The following MAST4 variants were observed in gnomAD, a reference collection of about 807,000 sequenced individuals.
MAST4 encodes microtubule associated serine/threonine kinase family member 4.
A neutral mutation model predicts 162.7 loss-of-function variants in MAST4; 89 were observed. That is an observed-to-expected ratio of 0.55 (90% CI 0.46 to 0.65). The LOEUF (loss-of-function observed/expected upper bound fraction) is 0.65. Ranked by LOEUF, MAST4 falls within the 30% of genes least tolerant of loss-of-function variation. The pLI, the probability that MAST4 is intolerant of heterozygous loss-of-function variation, is 0.00. For missense variants in MAST4, 3,153 were observed against 3,374.0 expected (o/e 0.93, Z 1.62); for synonymous variants, 1,479 against 1,361.1 (o/e 1.09, Z -1.91).
At chr5:67,153,623 A>T in intron 26 of MAST4, 43 bp downstream of exon 26, 1 of 1,529,960 alleles carries the variant, frequency 6.5e-7, no homozygotes, top group South Asian at 1.3e-5. Flanking sequence ...TGAGACAGGC[A>T]GCCCAAAGGG....
At chr5:66,623,692 C>T (rs1441382662) in intron 1 of MAST4, among the ~76,000 whole-genome samples, 1 of 152,292 alleles carries the variant, frequency 6.6e-6, no homozygotes, top group East Asian at 1.9e-4. Context: ...TTAGTTTTTC[C>T]TCTAAGATTT....
intron 1 of MAST4, among the ~76,000 whole-genome samples, chr5:66,694,713 C>T (rs1337120642): frequency 6.6e-6 from 1 of 152,140 alleles, no homozygotes; most frequent in Non-Finnish European, 1.5e-5. Flanking sequence ...TCTTGAACTC[C>T]TGATCTCAGG....
rs367706147 is a variant in MAST4 at position 67,163,192 on chromosome 5, A to G, written c.4013A>G (p.Asn1338Ser). The part of the protein sequence containing the change: ...QSSSPSSSAP[N>S]SPAGSGHIRP... ...AGCTCCCCTAGTTCTAGTGCCCCCA[A>G]TTCCCCAGCAGGGTCCGGGCACATC... Residue 1338 changes from asparagine to serine, a missense_variant, in exon 29 of 29, where the codon AAT (asparagine) becomes AGT (serine). Asn to Ser is a conservative substitution (Grantham distance 46). Around this residue, in one of 7 missense-constraint regions of MAST4, gnomAD observed 619 missense variants for 744.2 expected, o/e 0.83. Transcript: ENST00000403625. This position sits in a 1 kb window ranked among gnomAD's most constrained non-coding sequence, Gnocchi z 7.0. 1.5e-4 allele frequency: 236 copies of G among 1,612,078 alleles called. 3 individuals carry two copies. In the South Asian group the frequency reaches 2.2e-3, roughly 15 times the overall value.
intron 1 of MAST4, among the ~76,000 whole-genome samples, chr5:66,612,509 G>T (rs945369297): frequency 6.6e-6 from 1 of 152,184 alleles, no homozygotes; most frequent in Non-Finnish European, 1.5e-5. Context: ...TACTTGCAAA[G>T]GGCGTAGGAG....
At chr5:67,132,340 A>G (rs1408861713) in intron 16 of MAST4, among the ~76,000 whole-genome samples, 2 of 152,044 alleles carry the variant, frequency 1.3e-5, no homozygotes, top group Non-Finnish European at 2.9e-5. Context: ...CCCACCCCCA[A>G]TGATGCTTAT....
At chr5:67,008,428 C>T (rs1165797253) in intron 4 of MAST4, among the ~76,000 whole-genome samples, 1 of 152,222 alleles carries the variant, frequency 6.6e-6, no homozygotes, top group Non-Finnish European at 1.5e-5. Flanking sequence ...AATCAAGCTT[C>T]TCTTTTAATT....
Position 66,654,953 on chromosome 5 carries a change from C to A in MAST4, c.363+57935C>A, listed in dbSNP as rs965085326. 5.9e-5 allele frequency among the ~76,000 whole-genome samples: 9 copies of A among 152,000 alleles called. No homozygotes were observed. In the East Asian group the frequency reaches 9.6e-4, roughly 16 times the overall value. On this transcript the variant is annotated intron_variant, in intron 1 of 28. Transcript: ENST00000403625. ...TGAAATTGTAGGTTTTAATGAAAAT[C>A]TAGGGACCTAGGTTCAATTATATTT... is the stretch of plus-strand genomic sequence containing the variant.
chr5:66,774,703 A>G (rs1180919740), intron 2 of MAST4, among the ~76,000 whole-genome samples: 3 of 152,230 alleles, frequency 2.0e-5, no homozygotes, highest in Non-Finnish European at 4.4e-5. Flanking sequence ...TCATTCTAAT[A>G]TGATTGCCAG....
intron 6 of MAST4, chr5:67,093,744 TCACAAAACAAAATCATGGTGGGGAGAAA>T: frequency 2.6e-6 from 1 of 389,584 alleles, no homozygotes. Flanking sequence ...AGTTAATGCA[TCACAAAACAAAATCATGGTGGGGAGAAA>T]TTGTGTCCCT....
intron 1 of MAST4, among the ~76,000 whole-genome samples, chr5:66,704,310 G>A (rs1348034370): frequency 1.3e-5 from 2 of 152,046 alleles, no homozygotes; most frequent in African/African-American, 2.4e-5. Flanking sequence ...GTGAAATGGG[G>A]ATCCTGAGAA....
intron 2 of MAST4, among the ~76,000 whole-genome samples, chr5:66,780,565 G>A (rs1201617291): frequency 6.6e-6 from 1 of 152,166 alleles, no homozygotes; most frequent in Admixed American, 6.5e-5. Flanking sequence ...GTGAGCAGCA[G>A]CAAGATTTAT....
intron 3 of MAST4, among the ~76,000 whole-genome samples, chr5:66,807,798 C>A (rs1007436481): frequency 1.3e-5 from 2 of 152,144 alleles, no homozygotes; most frequent in African/African-American, 4.8e-5. Context: ...AAGAATGGGT[C>A]CCTCAGGCAG....
At position 67,166,823 on chromosome 5, in the gene MAST4, C is replaced by G; in HGVS notation, c.7644C>G (p.Asp2548Glu). ...CCATGGGCGGGGCCAGCCACCGGGA[C>G]AGGGCTCTCTCGGTGACTGCCACCG... is the stretch of plus-strand genomic sequence containing the variant. ...PNTMGGASHR[D>E]RALSVTATVG... The change falls in exon 29 of 29, where the codon GAC (aspartate) becomes GAG (glutamate). Residue 2548 changes from aspartate (D) to glutamate (E), a missense_variant. Asp to Glu is a conservative substitution (Grantham distance 45). Transcript: ENST00000403625. 1 of 1,605,226 alleles carries G rather than the reference C, an allele frequency of 6.2e-7. No homozygotes were observed. The highest frequency in any genetic ancestry group is 1.7e-5 in the Admixed American group (1 of 58,702).
At chr5:66,947,122 GTATTT>G (rs1182505053) in intron 4 of MAST4, among the ~76,000 whole-genome samples, 17 of 152,214 alleles carry the variant, frequency 1.1e-4, no homozygotes, top group Non-Finnish European at 2.1e-4. Flanking sequence ...CAATGTGAGA[GTATTT>G]TATTTTTCTT....
At chr5:66,845,128 C>T (rs867697673) in intron 3 of MAST4, among the ~76,000 whole-genome samples, 226 of 99,728 alleles carry the variant, frequency 2.3e-3, no homozygotes, top group African/African-American at 7.0e-3. Context: ...TATATATATA[C>T]ACACACACAC....
At chr5:66,597,303 T>G (rs1742253658) in intron 1 of MAST4, among the ~76,000 whole-genome samples, 1 of 152,240 alleles carries the variant, frequency 6.6e-6, no homozygotes, top group South Asian at 2.1e-4. Flanking sequence ...TCTGACTTGG[T>G]TGATCTGTGA....
intron 8 of MAST4, among the ~76,000 whole-genome samples, chr5:67,102,149 T>C (rs1765098952): frequency 6.6e-6 from 1 of 152,078 alleles, no homozygotes; most frequent in African/African-American, 2.4e-5. Context: ...AAATGTGTCC[T>C]AGATGTTGCT....
intron 4 of MAST4, chr5:66,959,087 G>C (rs1745666231): frequency 1.6e-6 from 1 of 638,246 alleles, no homozygotes; most frequent in East Asian, 2.7e-5. Context: ...CTTGATTACG[G>C]CTAGAGGTGG....
chr5:67,155,155 T>C (rs1772331070), intron 26 of MAST4, among the ~76,000 whole-genome samples: 1 of 152,248 alleles, frequency 6.6e-6, no homozygotes, highest in East Asian at 1.9e-4. Flanking sequence ...CCATGTTTCA[T>C]AGATTCACAT....
Sources: gnomAD v4.1 joint callset for allele counts (sites outside exome capture counted in the v4.1 genomes callset) on GRCh38, gnomAD v4.1.1 for gene constraint, gnomAD v4.1.1 regional missense constraint, Gnocchi (gnomAD v3.1) non-coding constraint, MANE v1.5 for transcripts, NCBI Gene and HGNC (gene_info 2026-07-23, HGNC 2026-07-21) for gene names.